The following DSG4 variants were observed in gnomAD, a reference collection of about 807,000 sequenced individuals.
DSG4 encodes desmoglein-4.
In DSG4, 87 loss-of-function variants were observed where a neutral mutation model predicts 93.1. That is an observed-to-expected ratio of 0.93 (90% CI 0.79 to 1.12). The LOEUF is 1.12. Ranked by LOEUF, DSG4 falls within the 50% of genes most tolerant of loss-of-function variation. The probability of loss-of-function intolerance (pLI) is 0.00; values close to 1 mark genes in which losing one functional copy is unlikely to be tolerated. For synonymous variants in DSG4, 432 were observed against 452.9 expected (o/e 0.95, Z 0.59); for missense variants, 1,373 against 1,285.7 (o/e 1.07, Z -1.04).
intron 14 of DSG4, among the ~76,000 whole-genome samples, chr18:31,410,350 AT>A (rs568003586): frequency 2.5e-3 from 330 of 130,944 alleles, no homozygotes; most frequent in African/African-American, 9.0e-3. Flanking sequence ...GTAATATATA[AT>A]ACATACATAT....
intron 10 of DSG4, among the ~76,000 whole-genome samples, chr18:31,402,443 A>T (rs2072378195): frequency 6.6e-6 from 1 of 152,204 alleles, no homozygotes; most frequent in Non-Finnish European, 1.5e-5. Context: ...AAGCTAAGTG[A>T]AATCGACATC....
chr18:31,413,680 A>T lies in DSG4; in HGVS notation c.*85A>T. On this transcript the variant is annotated 3_prime_UTR_variant, in exon 16 of 16. Transcript: ENST00000308128. ...ACCAAAAATATATAATGTACCATAT[A>T]TATTAATAGTCAACAAATACTCAGA... 6.7e-7 allele frequency: 1 copy of T among 1,498,610 alleles called. No homozygotes were observed. Among genetic ancestry groups the T allele is most frequent in the Non-Finnish European group, 9.2e-7 (1 of 1,092,760 alleles). The allele number at this position is 1,498,610 out of a possible 1,614,324, so 92.8% of individuals were successfully genotyped here.
At chr18:31,405,926 ATGTT>A in intron 11 of DSG4, 147 bp from the exon 12 acceptor site, 1 of 581,778 alleles carries the variant, frequency 1.7e-6, no homozygotes, top group Non-Finnish European at 2.8e-6. Flanking sequence ...AATTAAATAA[ATGTT>A]AAAAAAAAGT....
chr18:31,376,937 T>A lies in DSG4; in HGVS notation c.26T>A (p.Ile9Asn), dbSNP rs1381465308. Residue 9 changes from isoleucine (I) to asparagine (N), a missense_variant, in exon 1 of 16, where the codon ATT (isoleucine) becomes AAT (asparagine). Coordinates refer to ENST00000308128, the MANE Select transcript of DSG4 (RefSeq NM_177986.5). ...ATGGATTGGCTCTTCTTCAGAAACA[T>A]TTGCCTTTTGATCATTCTAATGGTA... MDWLFFRN[I>N]CLLIILMVVM... 6.2e-7 allele frequency: 1 copy of A among 1,613,466 alleles called. No homozygotes were observed. The highest frequency in any genetic ancestry group is 8.5e-7 in the Non-Finnish European group (1 of 1,179,704).
intron 8 of DSG4, among the ~76,000 whole-genome samples, chr18:31,397,547 G>T (rs1356852991): frequency 6.6e-6 from 1 of 152,054 alleles, no homozygotes; most frequent in African/African-American, 2.4e-5. Flanking sequence ...CAAGAGGAAA[G>T]GTTGACCCCA....
At position 31,413,286 on chromosome 18, in the gene DSG4, A is replaced by G. The variant is rs147200180; in HGVS notation, c.2814A>G (p.Ala938=). 1.7e-5 allele frequency: 28 copies of G among 1,614,076 alleles called. No homozygotes were observed. The highest frequency in any genetic ancestry group is 2.1e-5 in the Non-Finnish European group (25 of 1,180,052). Residue 938 remains alanine (A), a synonymous_variant, in exon 16 of 16, where the codon GCA becomes GCG. Coordinates refer to ENST00000308128, the MANE Select transcript of DSG4 (RefSeq NM_177986.5). ...CACCCAATGTTGTAGTAACCGAAGCAGTAATGGCACCTGTCTATGATATTC... is the reference window on the plus strand; with the variant it reads ...CACCCAATGTTGTAGTAACCGAAGCGGTAATGGCACCTGTCTATGATATTC... ...QLAPNVVVTE[A]VMAPVYDIQG...
At chr18:31,396,354 CTTTTTTTTTTTT>C (rs71383035) in intron 8 of DSG4, among the ~76,000 whole-genome samples, 2 of 73,972 alleles carry the variant, frequency 2.7e-5, no homozygotes, top group Admixed American at 2.9e-4. Context: ...AGGGTCATTG[CTTTTTTTTTTTT>C]TTTTTTTTTT....
At chr18:31,396,751 A>T (rs956325440) in intron 8 of DSG4, among the ~76,000 whole-genome samples, 1 of 152,202 alleles carries the variant, frequency 6.6e-6, no homozygotes, top group African/African-American at 2.4e-5. Flanking sequence ...ACAAGAACCA[A>T]CTGGAACTTT....
At position 31,388,408 on chromosome 18, in the gene DSG4, G is replaced by A. The variant is rs16959856; in HGVS notation, c.258G>A (p.Arg86=). Residue 86 remains arginine (R), a synonymous_variant, in exon 4 of 16, where the codon CGG becomes CGA. Transcript: ENST00000308128. The part of the protein sequence containing the change: ...DCESNQKITY[R]ISGVGIDRPP... Reference sequence around the variant, plus strand: ...AATCGAACCAGAAGATAACATACCGGATTTCTGGAGTAGGGATTGATCGAC... The same window carrying A: ...AATCGAACCAGAAGATAACATACCGAATTTCTGGAGTAGGGATTGATCGAC... 0.75 allele frequency: 1,202,237 copies of A among 1,613,082 alleles called. 451,524 individuals carry two copies. The highest frequency in any genetic ancestry group is 0.92 in the East Asian group (41,124 of 44,834).
At chr18:31,377,080 T>C (rs182296684) in intron 1 of DSG4, 121 bp downstream of exon 1, 35 of 1,102,226 alleles carry the variant, frequency 3.2e-5, no homozygotes, top group Admixed American at 1.2e-4. Flanking sequence ...AAGAGAGTTC[T>C]AGAAGTCCAG....
chr18:31,407,011 C>T (rs572364224), intron 12 of DSG4, among the ~76,000 whole-genome samples: 6 of 152,168 alleles, frequency 3.9e-5, no homozygotes, highest in South Asian at 2.1e-4. Flanking sequence ...CTCCTGACCT[C>T]GTGGTCCACC....
chr18:31,413,693 A>G lies in DSG4; in HGVS notation c.*98A>G. 1 of 1,446,526 alleles carries G rather than the reference A, an allele frequency of 6.9e-7. No homozygotes were observed. Among genetic ancestry groups the G allele is most frequent in the East Asian group, 2.4e-5 (1 of 42,412 alleles). The allele number at this position is 1,446,526 out of a possible 1,614,324, so 89.6% of individuals were successfully genotyped here. A position where few individuals can be genotyped will look rare whatever the true frequency, so the allele number is the denominator to read the frequency against. On this transcript the variant is annotated 3_prime_UTR_variant, in exon 16 of 16. Transcript: ENST00000308128. ...AATGTACCATATATATTAATAGTCA[A>G]CAAATACTCAGATATTCTAAGGTCA...
Position 31,412,987 on chromosome 18 carries a change from A to G in DSG4, c.2515A>G (p.Lys839Glu), listed in dbSNP as rs2072512107. 2.5e-6 allele frequency: 4 copies of G among 1,614,042 alleles called. No individual in the cohort carries two copies. The Admixed American group carries it at 6.7e-5, about 27-fold the overall frequency. The change falls in exon 16 of 16, where the codon AAA (lysine) becomes GAA (glutamate). Residue 839 changes from lysine to glutamate, a missense_variant. Coordinates refer to ENST00000308128, the MANE Select transcript of DSG4 (RefSeq NM_177986.5). ...AAGCTGCATGGAAACTTTAGATCCA[A>G]AATTTAGGACTCTTGCTGAGATCTG... Reference protein sequence around the residue: ...DESCMETLDPKFRTLAEICLN... With the variant: ...DESCMETLDPEFRTLAEICLN...
intron 11 of DSG4, among the ~76,000 whole-genome samples, chr18:31,404,928 T>C (rs1338043304): frequency 6.6e-6 from 1 of 152,144 alleles, no homozygotes; most frequent in Non-Finnish European, 1.5e-5. Context: ...CTATTACAGG[T>C]TTGCCAATAA....
chr18:31,405,577 A>AAAAG (rs575395750), intron 11 of DSG4, among the ~76,000 whole-genome samples: 39 of 152,148 alleles, frequency 2.6e-4, no homozygotes, highest in African/African-American at 7.9e-4. Context: ...GTTAAAAAAA[A>AAAAG]AAAGAAAGAA....
At chr18:31,396,175 G>A (rs1351847291) in intron 8 of DSG4, among the ~76,000 whole-genome samples, 1 of 151,558 alleles carries the variant, frequency 6.6e-6, no homozygotes, top group Non-Finnish European at 1.5e-5. Context: ...AAAAAGCAAA[G>A]CAAAATGCTA....
intron 1 of DSG4, among the ~76,000 whole-genome samples, chr18:31,380,829 T>G (rs560218355): frequency 4.8e-4 from 73 of 152,284 alleles, no homozygotes; most frequent in African/African-American, 1.7e-3. Context: ...TTAAATACAC[T>G]CAGAATGTAA....
chr18:31,394,789 T>C lies in DSG4; in HGVS notation c.1005+2449T>C, dbSNP rs536594946. Among the ~76,000 whole-genome samples the C allele has an allele frequency of 1.1e-4, 16 of 152,148 alleles. No individual in the cohort carries two copies. The East Asian group carries it at 2.9e-3, about 28-fold the overall frequency. Reference sequence around the variant, plus strand: ...ACCATATCAAATTCTGAATATTTAGTCAAGTTTTTCTTCCAGGGATCAGAA... The same window carrying C: ...ACCATATCAAATTCTGAATATTTAGCCAAGTTTTTCTTCCAGGGATCAGAA... On this transcript the variant is annotated intron_variant, in intron 8 of 15. Transcript: ENST00000308128.
chr18:31,408,823 C>G (rs971265041), intron 12 of DSG4, among the ~76,000 whole-genome samples: 1 of 152,114 alleles, frequency 6.6e-6, no homozygotes, highest in Admixed American at 6.5e-5. Context: ...TAAGCAGTGT[C>G]TATATTTATG....
Sources: allele counts gnomAD v4.1 joint callset (sites outside exome capture counted in the v4.1 genomes callset), GRCh38; gene constraint gnomAD v4.1.1; transcripts MANE v1.5; gene names NCBI Gene and HGNC (gene_info 2026-07-23, HGNC 2026-07-21).